BICRA: variants seen among roughly 807,000 people sequenced by gnomAD.
The protein encoded by BICRA is BRD4 interacting chromatin remodeling complex associated protein.
In BICRA, 31 loss-of-function variants were observed where a neutral mutation model predicts 96.9. That is an observed-to-expected ratio of 0.32 (90% CI 0.24 to 0.43). BICRA has a LOEUF of 0.43. BICRA is among the 20% of genes least tolerant of loss of function. The pLI, the probability that BICRA is intolerant of heterozygous loss-of-function variation, is 1.00. For missense variants in BICRA, 2,283 were observed against 2,190.3 expected (o/e 1.04, Z -0.84); for synonymous variants, 1,350 against 1,071.8 (o/e 1.26, Z -5.07).
intron 7 of BICRA, among the ~76,000 whole-genome samples, chr19:47,687,210 C>A (rs1416862521): frequency 6.6e-6 from 1 of 152,002 alleles, no homozygotes; most frequent in Non-Finnish European, 1.5e-5. Context: ...AGCCACAGAC[C>A]ATATGTAAAT....
At position 47,624,380 on chromosome 19, in the gene BICRA, G is replaced by A. The variant is rs575502292; in HGVS notation, c.-108+15212G>A. ...GGTTCTAGACAGTGCAGTAAAGTGA[G>A]TATCACAATAGAGCGAGCCACACAC... On this transcript the variant is annotated intron_variant, in intron 1 of 14. Transcript: ENST00000594866. Among the ~76,000 whole-genome samples, 92 of 152,288 alleles carry A rather than the reference G, an allele frequency of 6.0e-4. 1 individual carries two copies. Among genetic ancestry groups the A allele is most frequent in the South Asian group, 1.4e-3 (7 of 4,832 alleles).
intron 7 of BICRA, among the ~76,000 whole-genome samples, chr19:47,693,372 C>T (rs888843328): frequency 6.6e-5 from 10 of 152,348 alleles, no homozygotes; most frequent in Middle Eastern, 3.4e-3. Flanking sequence ...CACGCATGCA[C>T]GCTTGTACCT....
chr19:47,673,485 G>GA, intron 2 of BICRA, 85 bp from the exon 3 acceptor site: 2 of 1,049,952 alleles, frequency 1.9e-6, no homozygotes, highest in Non-Finnish European at 3.0e-6. Flanking sequence ...CCCTCCAGGG[G>GA]GCTCCCCTGA....
At chr19:47,630,408 G>A (rs1009117305) in intron 1 of BICRA, among the ~76,000 whole-genome samples, 1 of 150,958 alleles carries the variant, frequency 6.6e-6, no homozygotes, top group African/African-American at 2.4e-5. Context: ...TCCTGACCTC[G>A]TGATCTGCCC....
In BICRA at chr19:47,690,792, TTGTGTG is replaced by T. The variant is rs10603971; in HGVS notation, c.2284-3306_2284-3301del. 4.7e-3 allele frequency among the ~76,000 whole-genome samples: 711 copies of T among 150,386 alleles called. 9 individuals carry two copies. Among genetic ancestry groups the T allele is most frequent in the African/African-American group, 0.016 (667 of 40,916 alleles). On this transcript the variant is annotated intron_variant, in intron 7 of 14. Transcript: ENST00000594866. ...TTTGGCATGTGACTTAATTTGTGGA[TTGTGTG>T]TGTGTGTGTGTGTGTGCGCACTTTT... is the stretch of plus-strand genomic sequence containing the variant.
At position 47,698,581 on chromosome 19, in the gene BICRA, A is replaced by ACCCCTACCCCCC; in HGVS notation, c.3249-50_3249-49insCTACCCCCCCCC. The ACCCCTACCCCCC allele has an allele frequency of 1.4e-6, 1 of 740,236 alleles. No individual in the cohort carries two copies. 45.9% of individuals were successfully genotyped at this position (740,236 alleles called of 1,614,324 possible). A position where few individuals can be genotyped will look rare whatever the true frequency, so the allele number is the denominator to read the frequency against. On this transcript the variant is annotated intron_variant, in intron 11 of 14. Transcript: ENST00000594866. This position sits in a 1 kb window ranked among gnomAD's most constrained non-coding sequence, Gnocchi z 4.8. The stretch of plus-strand genomic sequence containing the variant: ...GGTTCAGGGACTTCCCCTGGCCCTC[A>ACCCCTACCCCCC]CCCGTCCCCCCCACCCTCCGCCGTG...
chr19:47,614,126 C>G (rs1227469627), intron 1 of BICRA, among the ~76,000 whole-genome samples: 2 of 151,980 alleles, frequency 1.3e-5, no homozygotes, highest in Non-Finnish European at 2.9e-5. Flanking sequence ...TGGTCTGAGA[C>G]ATCATCTTTT....
intron 1 of BICRA, among the ~76,000 whole-genome samples, chr19:47,651,338 G>A (rs753786717): frequency 5.9e-5 from 9 of 152,092 alleles, no homozygotes; most frequent in Admixed American, 3.9e-4. Flanking sequence ...TCCCTGAGGC[G>A]CCCACGTGAT....
At chr19:47,667,962 C>A (rs759654497) in intron 1 of BICRA, among the ~76,000 whole-genome samples, 12 of 152,168 alleles carry the variant, frequency 7.9e-5, no homozygotes, top group Non-Finnish European at 1.6e-4. Flanking sequence ...GGTGCGGTGG[C>A]TCATGCCTGT....
chr19:47,657,613 G>T (rs1330260095), intron 1 of BICRA, among the ~76,000 whole-genome samples: 3 of 151,912 alleles, frequency 2.0e-5, no homozygotes, highest in Non-Finnish European at 2.9e-5. Flanking sequence ...AGCCAGGATG[G>T]TCTCGATCTC....
At position 47,656,069 on chromosome 19, in the gene BICRA, GACACACAC is replaced by G. The variant is rs60179476; in HGVS notation, c.-107-14339_-107-14332del. 1.4e-3 allele frequency among the ~76,000 whole-genome samples: 191 copies of G among 132,238 alleles called. 1 individual carries two copies. The highest frequency in any genetic ancestry group is 7.1e-3 in the Middle Eastern group (2 of 280). 86.8% of individuals were successfully genotyped at this position (132,238 alleles called of 152,430 possible). A position where few individuals can be genotyped will look rare whatever the true frequency, so the allele number is the denominator to read the frequency against. On this transcript the variant is annotated intron_variant, in intron 1 of 14. Coordinates refer to ENST00000594866, the MANE Select transcript of BICRA (RefSeq NM_001394372.1). ...GGGGAACATGGTGAGATCCTGTCTC[GACACACAC>G]ACACACACACACACACACACACACA...
intron 1 of BICRA, among the ~76,000 whole-genome samples, chr19:47,653,085 T>C (rs1216224944): frequency 6.6e-6 from 1 of 150,438 alleles, no homozygotes; most frequent in Non-Finnish European, 1.5e-5. Flanking sequence ...TGCAGTGTTA[T>C]GTTCTCAGCT....
rs1973043841 is a variant in BICRA at position 47,681,050 on chromosome 19, C to T, written c.1880C>T (p.Ala627Val). Residue 627 changes from alanine (A) to valine (V), a missense_variant, in exon 6 of 15, where the codon GCG (alanine) becomes GTG (valine). Ala to Val is a moderately conservative substitution (Grantham distance 64). Transcript: ENST00000594866. ...CTCACGGTGCAGCCTGCCCCCCAGG[C>T]GCCCCCCGCGGTCAGCACACCCCTG... The part of the protein sequence containing the change: ...PVLTVQPAPQ[A>V]PPAVSTPLPL... The T allele has an allele frequency of 1.4e-6, 2 of 1,406,178 alleles. No individual in the cohort carries two copies. The highest frequency in any genetic ancestry group is 1.8e-6 in the Non-Finnish European group (2 of 1,086,802). The allele number at this position is 1,406,178 out of a possible 1,614,324, so 87.1% of individuals were successfully genotyped here. A position where few individuals can be genotyped will look rare whatever the true frequency, so the allele number is the denominator to read the frequency against.
intron 1 of BICRA, among the ~76,000 whole-genome samples, chr19:47,643,054 C>T (rs1972406699): frequency 6.6e-6 from 1 of 152,246 alleles, no homozygotes; most frequent in Non-Finnish European, 1.5e-5. Flanking sequence ...ACTGCAACCT[C>T]TGCCTCCTGG....
chr19:47,671,080 A>G (rs747120361), intron 2 of BICRA, among the ~76,000 whole-genome samples: 1 of 152,164 alleles, frequency 6.6e-6, no homozygotes, highest in Non-Finnish European at 1.5e-5. Flanking sequence ...CTGGAAAAGT[A>G]TGTGTCACAT....
intron 1 of BICRA, among the ~76,000 whole-genome samples, chr19:47,632,125 C>T (rs577757990): frequency 5.9e-5 from 9 of 152,264 alleles, no homozygotes; most frequent in Non-Finnish European, 1.2e-4. Flanking sequence ...GGGAGTGACC[C>T]GACCTGACAT....
chr19:47,687,431 T>G (rs557058189), intron 7 of BICRA, among the ~76,000 whole-genome samples: 1 of 152,352 alleles, frequency 6.6e-6, no homozygotes, highest in Admixed American at 6.5e-5. Flanking sequence ...ATACCATTAT[T>G]TCTTTATTCA....
chr19:47,669,322 A>G (rs117950856), intron 1 of BICRA, among the ~76,000 whole-genome samples: 2,721 of 152,244 alleles, frequency 0.018, 37 homozygotes, highest in Non-Finnish European at 0.03. Context: ...ACAGAAACGC[A>G]TATAAGTCAA....
intron 1 of BICRA, among the ~76,000 whole-genome samples, chr19:47,659,685 TACACACACACACACACACACACACAC>T (rs10567798): frequency 5.3e-5 from 7 of 132,506 alleles, no homozygotes; most frequent in East Asian, 2.3e-4. Flanking sequence ...TGGTGGTGCA[TACACACACACACACACACACACACAC>T]ACACACACAC....
Sources: allele counts gnomAD v4.1 joint callset (sites outside exome capture counted in the v4.1 genomes callset), GRCh38; gene constraint gnomAD v4.1.1; non-coding constraint Gnocchi (gnomAD v3.1); transcripts MANE v1.5; gene names NCBI Gene and HGNC (gene_info 2026-07-23, HGNC 2026-07-21).